Variants in FSHR observed in about 807,000 individuals in gnomAD.
The protein encoded by FSHR is follicle-stimulating hormone receptor.
FSHR carries 46 observed loss-of-function variants against 52.1 expected under a neutral mutation model. The observed-to-expected ratio is 0.88, with a 90% CI of 0.70 to 1.13. The LOEUF (loss-of-function observed/expected upper bound fraction) is 1.13. Among genes scored for constraint, FSHR ranks in the 50% most tolerant of loss-of-function variants. FSHR has a pLI of 0.00. For synonymous variants in FSHR, 399 were observed against 309.6 expected, an observed-to-expected ratio of 1.29 and a Z score of -3.03; for missense variants, 964 against 834.6, an observed-to-expected ratio of 1.16 and a Z score of -1.91.
intron 1 of FSHR, among the ~76,000 whole-genome samples, chr2:49,117,963 G>C (rs1671665374): frequency 6.6e-6 from 1 of 152,198 alleles, no homozygotes; most frequent in East Asian, 1.9e-4. Flanking sequence ...GAGCTCCACA[G>C]TTTAATCACT....
intron 8 of FSHR, among the ~76,000 whole-genome samples, chr2:48,973,894 ATGTT>A (rs1481827912): frequency 3.3e-5 from 5 of 152,126 alleles, no homozygotes; most frequent in African/African-American, 4.8e-5. Context: ...CTTTTCATGT[ATGTT>A]TGTTTGTCTC....
At chr2:49,092,935 G>A (rs550272091) in intron 1 of FSHR, among the ~76,000 whole-genome samples, 32 of 152,274 alleles carry the variant, frequency 2.1e-4, no homozygotes, top group African/African-American at 7.7e-4. Flanking sequence ...CAAAGTGCTC[G>A]GATTACAGGC....
chr2:49,046,352 A>G (rs951614557), intron 2 of FSHR, among the ~76,000 whole-genome samples: 3 of 152,196 alleles, frequency 2.0e-5, no homozygotes, highest in Non-Finnish European at 4.4e-5. Flanking sequence ...GCATTCATAA[A>G]TATCTCAGAA....
In FSHR at chr2:49,026,781, C is replaced by A. The variant is rs181866328; in HGVS notation, c.225-6621G>T. Among the ~76,000 whole-genome samples the A allele has an allele frequency of 5.3e-5, 8 of 152,190 alleles. No individual in the cohort carries two copies. The East Asian group carries it at 1.4e-3, about 26-fold the overall frequency. On this transcript the variant is annotated intron_variant, in intron 2 of 9. Transcript: ENST00000406846. ...TATTTTTCCCTGTACACCATATTTA[C>A]CCCAACACACTCTCTAAATGTCACC...
chr2:49,119,751 A>T (rs1352548125), intron 1 of FSHR, among the ~76,000 whole-genome samples: 6 of 152,230 alleles, frequency 3.9e-5, no homozygotes, highest in Admixed American at 3.9e-4. Flanking sequence ...ACAGAAATAC[A>T]AAAACGAACA....
At chr2:49,040,729 T>C (rs755265660) in intron 2 of FSHR, among the ~76,000 whole-genome samples, 4 of 152,060 alleles carry the variant, frequency 2.6e-5, no homozygotes, top group Admixed American at 6.6e-5. Context: ...TCCTTGAAGA[T>C]GAATAATAGC....
At chr2:49,121,417 G>T (rs183748890) in intron 1 of FSHR, among the ~76,000 whole-genome samples, 1 of 152,164 alleles carries the variant, frequency 6.6e-6, no homozygotes, top group Non-Finnish European at 1.5e-5. Flanking sequence ...TAGCTATTAT[G>T]AATTAAAAGA....
intron 1 of FSHR, among the ~76,000 whole-genome samples, chr2:49,089,114 T>TAA (rs1491472602): frequency 3.7e-4 from 56 of 151,480 alleles, no homozygotes; most frequent in African/African-American, 1.2e-3. Context: ...TAATATAATA[T>TAA]TTATTTATAT....
At chr2:48,996,291 C>T (rs1676020184) in intron 4 of FSHR, among the ~76,000 whole-genome samples, 1 of 152,076 alleles carries the variant, frequency 6.6e-6, no homozygotes, top group African/African-American at 2.4e-5. Context: ...GAAGAGTGGG[C>T]TGAGCTTAAC....
chr2:49,149,066 TA>T (rs1023569829), intron 1 of FSHR, among the ~76,000 whole-genome samples: 10 of 151,850 alleles, frequency 6.6e-5, no homozygotes, highest in Non-Finnish European at 1.0e-4. Flanking sequence ...GTAATTTTTT[TA>T]AAAAAAATAT....
chr2:49,003,644 C>T (rs145696167), intron 4 of FSHR, among the ~76,000 whole-genome samples: 113 of 152,218 alleles, frequency 7.4e-4, no homozygotes, highest in Non-Finnish European at 1.2e-3. Flanking sequence ...GTGGGTCTCT[C>T]TCAGCAAGTA....
In FSHR at chr2:49,041,127, G is replaced by A. The variant is rs1468941815; in HGVS notation, c.225-20967C>T. On this transcript the variant is annotated intron_variant, in intron 2 of 9. Coordinates refer to ENST00000406846, the MANE Select transcript of FSHR (RefSeq NM_000145.4). ...GAAACAGAACACTTAGGGAGACACA[G>A]ACCTTTTTCTTCAGGCTTCTTTGAA... 2.6e-5 allele frequency among the ~76,000 whole-genome samples: 4 copies of A among 152,198 alleles called. No homozygotes were observed. The East Asian group carries it at 7.7e-4, about 29-fold the overall frequency.
At chr2:49,120,138 G>A (rs113187984) in intron 1 of FSHR, among the ~76,000 whole-genome samples, 123 of 152,264 alleles carry the variant, frequency 8.1e-4, no homozygotes, top group Non-Finnish European at 1.5e-3. Flanking sequence ...GGGCATGGTG[G>A]TGCCTGCCTG....
intron 7 of FSHR, 46 bp from the exon 8 acceptor site, chr2:48,983,032 T>A: frequency 6.2e-7 from 1 of 1,608,040 alleles, no homozygotes; most frequent in Non-Finnish European, 8.5e-7. Flanking sequence ...CAAAGCCACA[T>A]AAATATTGCT....
intron 1 of FSHR, among the ~76,000 whole-genome samples, chr2:49,098,398 G>A (rs920181101): frequency 6.6e-6 from 1 of 152,072 alleles, no homozygotes; most frequent in Non-Finnish European, 1.5e-5. Flanking sequence ...GATAGAATGG[G>A]GTGATATAGA....
chr2:48,979,225 A>C (rs1675128457), intron 8 of FSHR, among the ~76,000 whole-genome samples: 1 of 152,070 alleles, frequency 6.6e-6, no homozygotes, highest in Admixed American at 6.5e-5. Flanking sequence ...CAGGAGAATA[A>C]CTTGAGGCCA....
intron 1 of FSHR, among the ~76,000 whole-genome samples, chr2:49,122,246 C>G (rs1256179183): frequency 1.3e-5 from 2 of 152,166 alleles, no homozygotes; most frequent in East Asian, 3.9e-4. Flanking sequence ...GACAGACCTA[C>G]ACGGGCATAT....
intron 8 of FSHR, among the ~76,000 whole-genome samples, chr2:48,976,625 G>A (rs1344161678): frequency 6.6e-6 from 1 of 152,072 alleles, no homozygotes. Flanking sequence ...GCTTTTTTTG[G>A]TTGGTAGGCT....
At chr2:49,090,494 A>C (rs1475619396) in intron 1 of FSHR, among the ~76,000 whole-genome samples, 1 of 152,184 alleles carries the variant, frequency 6.6e-6, no homozygotes, top group Non-Finnish European at 1.5e-5. Flanking sequence ...TGAATATACC[A>C]CAGTTTGTTT....
Sources: gnomAD v4.1 joint callset for allele counts (sites outside exome capture counted in the v4.1 genomes callset) on GRCh38, gnomAD v4.1.1 for gene constraint, MANE v1.5 for transcripts, NCBI Gene and HGNC (gene_info 2026-07-23, HGNC 2026-07-21) for gene names.